The following DNAJC1 variants were observed in gnomAD, a reference collection of about 807,000 sequenced individuals.
DNAJC1 encodes DnaJ heat shock protein family (Hsp40) member C1.
Under a neutral mutation model 76.6 loss-of-function variants are expected in DNAJC1, and 58 were observed. The ratio of observed to expected loss-of-function variants is 0.76; its 90% CI spans 0.61 to 0.94. The LOEUF is 0.94. Among genes scored for constraint, DNAJC1 ranks in the 40% least tolerant of loss-of-function variants. The pLI is 0.00. For synonymous variants in DNAJC1, 258 were observed against 267.9 expected, an observed-to-expected ratio of 0.96 and a Z score of 0.36; for missense variants, 689 against 677.3, an observed-to-expected ratio of 1.02 and a Z score of -0.19.
intron 8 of DNAJC1, among the ~76,000 whole-genome samples, chr10:21,822,465 ATAAT>A (rs1288227841): frequency 4.2e-5 from 6 of 143,436 alleles, no homozygotes; most frequent in African/African-American, 1.5e-4. Context: ...AAATAAATGA[ATAAT>A]AAAATAAATA....
At chr10:21,994,393 G>C (rs918519873) in intron 1 of DNAJC1, among the ~76,000 whole-genome samples, 2 of 152,150 alleles carry the variant, frequency 1.3e-5, no homozygotes, top group African/African-American at 4.8e-5. Context: ...TTCCAAACGT[G>C]TGATATAAAA....
intron 7 of DNAJC1, among the ~76,000 whole-genome samples, chr10:21,893,090 T>C (rs778083135): frequency 6.6e-6 from 1 of 152,162 alleles, no homozygotes. Context: ...CAAATGTCCA[T>C]GGAATATATG....
Position 21,888,042 on chromosome 10 carries a change from AAAAC to A in DNAJC1, c.821-5607_821-5604del, listed in dbSNP as rs542704551. Among the ~76,000 whole-genome samples, 347 of 152,308 alleles carry A rather than the reference AAAAC, an allele frequency of 2.3e-3. 3 individuals carry two copies. The highest frequency in any genetic ancestry group is 7.5e-3 in the African/African-American group (313 of 41,566). On this transcript the variant is annotated intron_variant, in intron 7 of 11. Coordinates refer to ENST00000376980, the MANE Select transcript of DNAJC1 (RefSeq NM_022365.4). ...GGAACTTCAATAAATATACAAGAGA[AAAAC>A]AAACAACCCCATTAAAAAGTGGGCA...
At position 21,815,301 on chromosome 10, in the gene DNAJC1, A is replaced by G. The variant is rs145378778; in HGVS notation, c.979-9202T>C. Among the ~76,000 whole-genome samples the G allele has an allele frequency of 7.2e-5, 11 of 152,332 alleles. No homozygotes were observed. The East Asian group carries it at 2.1e-3, about 29-fold the overall frequency. On this transcript the variant is annotated intron_variant, in intron 8 of 11. Coordinates refer to ENST00000376980, the MANE Select transcript of DNAJC1 (RefSeq NM_022365.4). ...CATGGTAGTAGAAGTCATTCAGGTA[A>G]GCCTGAACTCTCTGCCGGGGGTTGT...
At chr10:21,852,432 C>T (rs746312477) in intron 8 of DNAJC1, among the ~76,000 whole-genome samples, 13 of 152,118 alleles carry the variant, frequency 8.5e-5, no homozygotes, top group Non-Finnish European at 1.6e-4. Flanking sequence ...GTCCTAAATG[C>T]TACTGAATTG....
intron 1 of DNAJC1, among the ~76,000 whole-genome samples, chr10:21,962,655 T>C (rs193117438): frequency 0.012 from 1,804 of 149,012 alleles, 43 homozygotes; most frequent in Non-Finnish European, 0.014. Flanking sequence ...TTTTCTTTTT[T>C]TTTTTTTTTG....
In DNAJC1 at chr10:21,793,686, C is replaced by T. The variant is rs117888119; in HGVS notation, c.1098+12294G>A. Among the ~76,000 whole-genome samples the T allele has an allele frequency of 3.9e-5, 6 of 152,292 alleles. No homozygotes were observed. The East Asian group carries it at 5.8e-4, about 15-fold the overall frequency. ...TCTGGCTGGGCGCAGTGGCTCACATCTGTAATCCCAACACTTTGAGAGGTC... is the reference window on the plus strand; with the variant it reads ...TCTGGCTGGGCGCAGTGGCTCACATTTGTAATCCCAACACTTTGAGAGGTC... On this transcript the variant is annotated intron_variant, in intron 9 of 11. Transcript: ENST00000376980.
chr10:21,780,471 C>G (rs1465853843), intron 9 of DNAJC1, among the ~76,000 whole-genome samples: 1 of 152,276 alleles, frequency 6.6e-6, no homozygotes, highest in South Asian at 2.1e-4. Context: ...ATTTTCAACC[C>G]AGAATTTCAT....
In DNAJC1 at chr10:21,929,022, A is replaced by G. The variant is rs1162845450; in HGVS notation, c.324+18T>C. 6.2e-6 allele frequency: 9 copies of G among 1,444,026 alleles called. No individual in the cohort carries two copies. The South Asian group carries it at 1.1e-4, about 17-fold the overall frequency. The allele number at this position is 1,444,026 out of a possible 1,614,324, so 89.5% of individuals were successfully genotyped here. ...ACATTTGTCACAAAATATATATATA[A>G]TAGCATATTTCACTTACTTGTCTAA... is the stretch of plus-strand genomic sequence containing the variant. On this transcript the variant is annotated intron_variant, in intron 2 of 11. Coordinates refer to ENST00000376980, the MANE Select transcript of DNAJC1 (RefSeq NM_022365.4).
In DNAJC1 at chr10:21,918,847, C is replaced by T; in HGVS notation, c.661G>A (p.Asp221Asn). ...ATCCCCAGTTTGCATGGAAGCAAATCATGCCACTGTGGTTTCATCAGCAAT... is the reference window on the plus strand; with the variant it reads ...ATCCCCAGTTTGCATGGAAGCAAATTATGCCACTGTGGTTTCATCAGCAAT... ...ERLLMKPQWH[D>N]LLPCKLGIWF... The change falls in exon 6 of 12, where the codon GAT (aspartate) becomes AAT (asparagine). Residue 221 changes from aspartate to asparagine, a missense_variant. Asp to Asn is a conservative substitution (Grantham distance 23). Coordinates refer to ENST00000376980, the MANE Select transcript of DNAJC1 (RefSeq NM_022365.4). 4 of 1,613,174 alleles carry T rather than the reference C, an allele frequency of 2.5e-6. No homozygotes were observed. Among genetic ancestry groups the T allele is most frequent in the Non-Finnish European group, 3.4e-6 (4 of 1,179,326 alleles).
Position 21,856,211 on chromosome 10 carries a change from C to T in DNAJC1, c.978+26071G>A, listed in dbSNP as rs113223676. ...GTAGTATGCTGAAGTCTACTCATAC[C>T]AGCTCATGACTGCAACTACTATTTT... On this transcript the variant is annotated intron_variant, in intron 8 of 11. Transcript: ENST00000376980. 5.3e-5 allele frequency among the ~76,000 whole-genome samples: 8 copies of T among 152,208 alleles called. 1 individual carries two copies. Among genetic ancestry groups the T allele is most frequent in the African/African-American group, 1.9e-4 (8 of 41,536 alleles).
At chr10:21,915,474 T>G (rs954034445) in intron 6 of DNAJC1, among the ~76,000 whole-genome samples, 2 of 152,214 alleles carry the variant, frequency 1.3e-5, no homozygotes. Flanking sequence ...ATCTCCCACT[T>G]TTAGCTTGGA....
At chr10:21,890,489 A>G (rs1220557869) in intron 7 of DNAJC1, among the ~76,000 whole-genome samples, 7 of 151,884 alleles carry the variant, frequency 4.6e-5, no homozygotes, top group African/African-American at 1.7e-4. Flanking sequence ...GCCCAATGGT[A>G]ACAAAGCCAT....
intron 8 of DNAJC1, among the ~76,000 whole-genome samples, chr10:21,829,695 GTC>G (rs1835324855): frequency 6.6e-6 from 1 of 152,186 alleles, no homozygotes; most frequent in Non-Finnish European, 1.5e-5. Flanking sequence ...TGCTTTAAAT[GTC>G]TCTCCTGTAA....
At chr10:21,818,670 C>T (rs1424761973) in intron 8 of DNAJC1, among the ~76,000 whole-genome samples, 5 of 152,072 alleles carry the variant, frequency 3.3e-5, no homozygotes, top group South Asian at 2.1e-4. Flanking sequence ...TCAACCTGGC[C>T]GACGCTTAGG....
intron 1 of DNAJC1, among the ~76,000 whole-genome samples, chr10:21,951,430 T>C (rs1012081650): frequency 3.9e-5 from 6 of 152,114 alleles, no homozygotes; most frequent in African/African-American, 1.2e-4. Flanking sequence ...TAAATGATTA[T>C]AAAATAGAGA....
chr10:21,837,717 G>A (rs1180573950), intron 8 of DNAJC1, among the ~76,000 whole-genome samples: 1 of 150,600 alleles, frequency 6.6e-6, no homozygotes, highest in African/African-American at 2.4e-5. Context: ...CTGCCTGGCA[G>A]CCGCCCCGTC....
chr10:21,920,625 C>T (rs1837026851), intron 4 of DNAJC1, 173 bp downstream of exon 4: 4 of 536,106 alleles, frequency 7.5e-6, no homozygotes, highest in Non-Finnish European at 1.1e-5. Context: ...AGAATATTTT[C>T]TTATTTCATG....
intron 1 of DNAJC1, 129 bp downstream of exon 1, chr10:22,003,084 G>A: frequency 4.5e-6 from 6 of 1,324,244 alleles, no homozygotes; most frequent in Non-Finnish European, 4.8e-6. Flanking sequence ...CCGGTGACCC[G>A]AGCTGAGGGC....
Sources: allele counts gnomAD v4.1 joint callset (sites outside exome capture counted in the v4.1 genomes callset), GRCh38; gene constraint gnomAD v4.1.1; transcripts MANE v1.5; gene names NCBI Gene and HGNC (gene_info 2026-07-23, HGNC 2026-07-21).